Variants in PRDM16 observed in about 807,000 individuals in gnomAD.
PRDM16 encodes the protein histone-lysine N-methyltransferase PRDM16.
PRDM16 carries 23 observed loss-of-function variants against 110.6 expected under a neutral mutation model. That is an observed-to-expected ratio of 0.21 (90% confidence interval 0.15 to 0.29). The LOEUF (loss-of-function observed/expected upper bound fraction) is 0.29, where lower values mean the gene tolerates loss of function less well. Among genes scored for constraint, PRDM16 ranks in the 10% least tolerant of loss-of-function variants. PRDM16 has a pLI of 1.00. For synonymous variants in PRDM16, 799 were observed against 781.8 expected (o/e 1.02, Z -0.37); for missense variants, 1,615 against 1,794.3 (o/e 0.90, Z 1.81).
chr1:3,076,581 C>T (rs1334764968), intron 1 of PRDM16, among the ~76,000 whole-genome samples: 1 of 152,210 alleles, frequency 6.6e-6, no homozygotes, highest in Non-Finnish European at 1.5e-5. Context: ...CCTGGGGCTT[C>T]TCCGAGGGTG....
chr1:3,422,155 AG>A (rs1331308144), intron 12 of PRDM16, among the ~76,000 whole-genome samples: 1 of 149,724 alleles, frequency 6.7e-6, no homozygotes, highest in Non-Finnish European at 1.5e-5. Context: ...ACAGACAGGC[AG>A]GGCAGACAGG....
chr1:3,409,179 T>C (rs1425119004), intron 8 of PRDM16, among the ~76,000 whole-genome samples: 7 of 135,680 alleles, frequency 5.2e-5, no homozygotes, highest in Non-Finnish European at 9.7e-5. Context: ...GCACGTGAGT[T>C]GGTGCGTGTG....
At position 3,276,691 on chromosome 1, in the gene PRDM16, C is replaced by CGAGGGGTGCCGTGAACAGAGCCAGT. The variant is rs1248362606; in HGVS notation, c.438+32578_438+32579insTGAGGGGTGCCGTGAACAGAGCCAG. Among the ~76,000 whole-genome samples, 44 of 151,932 alleles carry CGAGGGGTGCCGTGAACAGAGCCAGT rather than the reference C, an allele frequency of 2.9e-4. 1 individual carries two copies. The East Asian group carries it at 6.8e-3, about 23-fold the overall frequency. On this transcript the variant is annotated intron_variant, in intron 3 of 16. Transcript: ENST00000270722. ...CTCGAGGTGCCGTGAACAGAGCCAG[C>CGAGGGGTGCCGTGAACAGAGCCAGT]GAGGGGTGCCGTGAACAGAGCCAGC... is the stretch of plus-strand genomic sequence containing the variant.
At chr1:3,099,911 A>G (rs1557445528) in intron 1 of PRDM16, among the ~76,000 whole-genome samples, 1 of 152,174 alleles carries the variant, frequency 6.6e-6, no homozygotes, top group Non-Finnish European at 1.5e-5. Context: ...GAAGGCTCTC[A>G]TGGACAAAGA....
intron 3 of PRDM16, among the ~76,000 whole-genome samples, chr1:3,324,507 C>A (rs905281497): frequency 1.3e-5 from 2 of 152,196 alleles, no homozygotes; most frequent in Non-Finnish European, 2.9e-5. Context: ...GGCCAAAAGA[C>A]TGTACCTGAC....
At chr1:3,362,160 G>A (rs999031710) in intron 3 of PRDM16, among the ~76,000 whole-genome samples, 16 of 152,234 alleles carry the variant, frequency 1.1e-4, no homozygotes, top group Non-Finnish European at 1.9e-4. Flanking sequence ...GCATGGAGTG[G>A]CCTCAACTCC....
intron 1 of PRDM16, among the ~76,000 whole-genome samples, chr1:3,171,062 G>A (rs550364352): frequency 1.1e-4 from 17 of 152,214 alleles, no homozygotes; most frequent in African/African-American, 2.6e-4. Context: ...GCGGGACCCC[G>A]CACCCCTCAG....
intron 1 of PRDM16, among the ~76,000 whole-genome samples, chr1:3,101,087 G>C (rs975834172): frequency 6.6e-6 from 1 of 152,122 alleles, no homozygotes; most frequent in Non-Finnish European, 1.5e-5. Context: ...TCCCCATCTC[G>C]CCCGGCTGGC....
intron 3 of PRDM16, among the ~76,000 whole-genome samples, chr1:3,271,105 G>T (rs1640443773): frequency 6.6e-6 from 1 of 152,244 alleles, no homozygotes; most frequent in Non-Finnish European, 1.5e-5. Context: ...GGGATATGCG[G>T]TGGGAGGAAA....
intron 3 of PRDM16, among the ~76,000 whole-genome samples, chr1:3,273,706 A>G (rs1373419448): frequency 6.6e-6 from 1 of 151,498 alleles, no homozygotes; most frequent in African/African-American, 2.4e-5. Flanking sequence ...GTGTGTGTGC[A>G]TGGGTGAGCA....
At position 3,143,921 on chromosome 1, in the gene PRDM16, T is replaced by C. The variant is rs1290039554; in HGVS notation, c.38-42204T>C. Among the ~76,000 whole-genome samples the C allele has an allele frequency of 2.0e-5, 3 of 152,216 alleles. No individual in the cohort carries two copies. The highest frequency in any genetic ancestry group is 4.4e-5 in the Non-Finnish European group (3 of 67,992). On this transcript the variant is annotated intron_variant, in intron 1 of 16. Transcript: ENST00000270722. This position sits in a 1 kb window ranked among gnomAD's most constrained non-coding sequence, Gnocchi z 4.5. Reference sequence around the variant, plus strand: ...GGGGTTCCTGGGGCATCTTGTCATGTGTTAGTCGTAGTGAAGGCTCCACAA... The same window carrying C: ...GGGGTTCCTGGGGCATCTTGTCATGCGTTAGTCGTAGTGAAGGCTCCACAA...
Position 3,157,610 on chromosome 1 carries a change from G to C in PRDM16, c.38-28515G>C, listed in dbSNP as rs1643869333. Among the ~76,000 whole-genome samples the C allele has an allele frequency of 6.6e-6, 1 of 152,114 alleles. No homozygotes were observed. The highest frequency in any genetic ancestry group is 2.4e-5 in the African/African-American group (1 of 41,410). ...TGGGTGGGGAATTACAGGGAAAGTG[G>C]ACCTGTCGGCTCTGTTCATGGACAG... On this transcript the variant is annotated intron_variant, in intron 1 of 16. Transcript: ENST00000270722. This position sits in a 1 kb window ranked among gnomAD's most constrained non-coding sequence, Gnocchi z 4.8.
At chr1:3,180,905 G>C (rs1289025813) in intron 1 of PRDM16, among the ~76,000 whole-genome samples, 1 of 130,898 alleles carries the variant, frequency 7.6e-6, no homozygotes, top group East Asian at 2.5e-4. Context: ...CACACACGCA[G>C]TCTTACACGC....
rs1644219176 is a variant in PRDM16, at chr1:3,182,228, C to T, written c.38-3897C>T. ...AAAAACCCCCTTGTACTCCCTCTGG[C>T]CAAGAATCTAGGCTGAAATCTGCCC... On this transcript the variant is annotated intron_variant, in intron 1 of 16. Transcript: ENST00000270722. 3.3e-5 allele frequency among the ~76,000 whole-genome samples: 5 copies of T among 152,244 alleles called. No individual in the cohort carries two copies. In the South Asian group the frequency reaches 1.0e-3, roughly 31 times the overall value.
At chr1:3,147,951 C>A (rs1643707207) in intron 1 of PRDM16, among the ~76,000 whole-genome samples, 1 of 152,220 alleles carries the variant, frequency 6.6e-6, no homozygotes, top group Non-Finnish European at 1.5e-5. Flanking sequence ...CTGACAGTCT[C>A]TGATTCTGCA....
chr1:3,371,136 A>G (rs1481636316), intron 3 of PRDM16, among the ~76,000 whole-genome samples: 2 of 146,830 alleles, frequency 1.4e-5, no homozygotes, highest in Non-Finnish European at 3.0e-5. Context: ...TTCACCATCC[A>G]TTGATTCATC....
intron 3 of PRDM16, among the ~76,000 whole-genome samples, chr1:3,263,997 T>A (rs1640228815): frequency 6.6e-6 from 1 of 152,038 alleles, no homozygotes; most frequent in Non-Finnish European, 1.5e-5. Context: ...GGGGCAGGAC[T>A]TTGCCCAAAG....
intron 2 of PRDM16, among the ~76,000 whole-genome samples, chr1:3,198,093 A>T (rs74048305): frequency 6.6e-6 from 1 of 151,910 alleles, no homozygotes; most frequent in Non-Finnish European, 1.5e-5. Context: ...CCTGAGGACA[A>T]CTCCTGTGGG....
intron 5 of PRDM16, among the ~76,000 whole-genome samples, chr1:3,397,827 G>A (rs895158307): frequency 6.6e-6 from 1 of 152,232 alleles, no homozygotes; most frequent in Non-Finnish European, 1.5e-5. Context: ...TGAGCAGGAA[G>A]GCTTCGAGAC....
Sources: allele counts gnomAD v4.1 joint callset (sites outside exome capture counted in the v4.1 genomes callset), GRCh38; gene constraint gnomAD v4.1.1; non-coding constraint Gnocchi (gnomAD v3.1); transcripts MANE v1.5; gene names NCBI Gene and HGNC (gene_info 2026-07-23, HGNC 2026-07-21).